TMEM131L: variants seen among roughly 807,000 people sequenced by gnomAD.
TMEM131L encodes the protein transmembrane 131 like.
A neutral mutation model predicts 192.2 loss-of-function variants in TMEM131L; 54 were observed. The observed-to-expected ratio is 0.28, with a 90% confidence interval of 0.23 to 0.35. The LOEUF is 0.35. Among genes scored for constraint, TMEM131L ranks in the 10% least tolerant of loss-of-function variants. The probability of loss-of-function intolerance (pLI) is 1.00; values close to 1 mark genes in which losing one functional copy is unlikely to be tolerated. For missense variants in TMEM131L, 1,888 were observed against 1,972.9 expected, an observed-to-expected ratio of 0.96 and a Z score of 0.82; for synonymous variants, 701 against 704.9, an observed-to-expected ratio of 0.99 and a Z score of 0.09.
intron 3 of TMEM131L, among the ~76,000 whole-genome samples, chr4:153,514,824 T>G (rs1006978119): frequency 3.3e-5 from 5 of 152,182 alleles, no homozygotes; most frequent in African/African-American, 9.7e-5. Flanking sequence ...TCTTTTCTTT[T>G]TTTTTTGAGA....
chr4:153,588,838 A>G, intron 15 of TMEM131L, 52 bp from the exon 16 acceptor site: 1 of 977,650 alleles, frequency 1.0e-6, no homozygotes, highest in Non-Finnish European at 1.6e-6. Context: ...TTATTTACTA[A>G]TTGAATTATG....
At chr4:153,470,992 C>CTT (rs111875692) in intron 2 of TMEM131L, among the ~76,000 whole-genome samples, 13,267 of 146,284 alleles carry the variant, frequency 0.091, 1,867 homozygotes, top group African/African-American at 0.3. Flanking sequence ...TGTTTGTTTT[C>CTT]TTTTTTTTTT....
At chr4:153,551,738 C>A (rs1055827828) in intron 4 of TMEM131L, among the ~76,000 whole-genome samples, 1 of 151,908 alleles carries the variant, frequency 6.6e-6, no homozygotes, top group African/African-American at 2.4e-5. Flanking sequence ...GGGAGTTTGC[C>A]GACTTTATAA....
At chr4:153,612,216 A>G (rs777661947) in intron 25 of TMEM131L, 36 bp from the exon 26 acceptor site, 12 of 1,468,332 alleles carry the variant, frequency 8.2e-6, no homozygotes, top group Non-Finnish European at 4.5e-6. Context: ...AGTGGAAACT[A>G]TTAGCTAGAA....
At chr4:153,479,131 G>A (rs1280694132) in intron 3 of TMEM131L, among the ~76,000 whole-genome samples, 2 of 152,218 alleles carry the variant, frequency 1.3e-5, no homozygotes, top group Non-Finnish European at 2.9e-5. Flanking sequence ...GGGCTGGAAC[G>A]GGACCAGTGT....
chr4:153,504,903 C>G (rs1733883315), intron 3 of TMEM131L, among the ~76,000 whole-genome samples: 1 of 152,116 alleles, frequency 6.6e-6, no homozygotes, highest in Non-Finnish European at 1.5e-5. Flanking sequence ...GAGTGACCAG[C>G]CTTGCTGAGT....
intron 25 of TMEM131L, among the ~76,000 whole-genome samples, chr4:153,606,440 T>C (rs577697779): frequency 6.6e-6 from 1 of 152,300 alleles, no homozygotes; most frequent in African/African-American, 2.4e-5. Flanking sequence ...CTTAATACTT[T>C]AAAGCAGTTG....
intron 3 of TMEM131L, among the ~76,000 whole-genome samples, chr4:153,478,723 A>G (rs1020403137): frequency 6.6e-6 from 1 of 152,222 alleles, no homozygotes; most frequent in Admixed American, 6.5e-5. Flanking sequence ...GGATATTTAT[A>G]CTTTGGGTTA....
intron 3 of TMEM131L, among the ~76,000 whole-genome samples, chr4:153,517,018 G>A (rs1052835872): frequency 2.0e-5 from 3 of 151,984 alleles, no homozygotes; most frequent in Non-Finnish European, 4.4e-5. Flanking sequence ...GTAGAGATGG[G>A]GTTTCACCGT....
chr4:153,624,353 A>C (rs1217139546), intron 29 of TMEM131L, among the ~76,000 whole-genome samples: 2 of 152,144 alleles, frequency 1.3e-5, no homozygotes, highest in Non-Finnish European at 2.9e-5. Flanking sequence ...TCCTGGCCTC[A>C]AGTGATCTGC....
chr4:153,487,725 A>T (rs1051313700), intron 3 of TMEM131L, among the ~76,000 whole-genome samples: 66 of 127,530 alleles, frequency 5.2e-4, no homozygotes, highest in Middle Eastern at 4.1e-3. Context: ...TGTGTGAGAG[A>T]GAGAGAGAGA....
intron 2 of TMEM131L, among the ~76,000 whole-genome samples, chr4:153,467,802 C>T (rs899691560): frequency 6.6e-6 from 1 of 152,050 alleles, no homozygotes; most frequent in Non-Finnish European, 1.5e-5. Flanking sequence ...TGGTTTTTTT[C>T]TCTGTATGAT....
At chr4:153,592,175 G>GT (rs1045240326) in intron 17 of TMEM131L, among the ~76,000 whole-genome samples, 3 of 151,262 alleles carry the variant, frequency 2.0e-5, no homozygotes, top group Non-Finnish European at 4.4e-5. Flanking sequence ...TAGATCAAGT[G>GT]TTTTCAGAGA....
chr4:153,490,227 G>C (rs572660975), intron 3 of TMEM131L, among the ~76,000 whole-genome samples: 1 of 152,130 alleles, frequency 6.6e-6, no homozygotes, highest in Non-Finnish European at 1.5e-5. Flanking sequence ...TCCAAATTGC[G>C]TGTTAGTTTG....
At chr4:153,525,489 G>A (rs1735404785) in intron 3 of TMEM131L, among the ~76,000 whole-genome samples, 2 of 151,818 alleles carry the variant, frequency 1.3e-5, no homozygotes, top group South Asian at 2.1e-4. Flanking sequence ...ACAGGTGCAC[G>A]CCACCACACC....
rs374500010 is a variant in TMEM131L, at chr4:153,593,731, CACTT to C, written c.1923-66_1923-63del. 323 of 1,010,604 alleles carry C rather than the reference CACTT, an allele frequency of 3.2e-4. No individual in the cohort carries two copies. The East Asian group carries it at 6.8e-3, about 21-fold the overall frequency. 62.6% of individuals were successfully genotyped at this position (1,010,604 alleles called of 1,614,324 possible). On this transcript the variant is annotated intron_variant, in intron 18 of 34. Transcript: ENST00000409959. The stretch of plus-strand genomic sequence containing the variant: ...ATGTATAAATGTATATATGTGCACA[CACTT>C]ATTAAATCTTTCTTTACTGGCAGAT...
At chr4:153,562,888 G>A (rs889765685) in intron 7 of TMEM131L, among the ~76,000 whole-genome samples, 2 of 152,168 alleles carry the variant, frequency 1.3e-5, no homozygotes, top group Non-Finnish European at 2.9e-5. Context: ...TTATGAAAAA[G>A]AAAACTGAGA....
At chr4:153,541,878 C>A (rs1298107470) in intron 3 of TMEM131L, among the ~76,000 whole-genome samples, 1 of 152,254 alleles carries the variant, frequency 6.6e-6, no homozygotes, top group East Asian at 1.9e-4. Flanking sequence ...GCTGTGGTCC[C>A]CCAGGACAGA....
intron 3 of TMEM131L, among the ~76,000 whole-genome samples, chr4:153,488,775 G>A (rs1580053157): frequency 6.6e-6 from 1 of 152,190 alleles, no homozygotes; most frequent in East Asian, 1.9e-4. Context: ...GAAGTCCTCT[G>A]TCAAGCCGGC....
Sources: allele counts gnomAD v4.1 joint callset (sites outside exome capture counted in the v4.1 genomes callset), GRCh38; gene constraint gnomAD v4.1.1; transcripts MANE v1.5; gene names NCBI Gene and HGNC (gene_info 2026-07-23, HGNC 2026-07-21).